GPRC5D: variants seen among roughly 807,000 people sequenced by gnomAD.
GPRC5D encodes G protein-coupled receptor family C group 5 member D.
Under a neutral mutation model 29.3 loss-of-function variants are expected in GPRC5D, and 20 were observed. That is an observed-to-expected ratio of 0.68 (90% CI 0.48 to 0.99). GPRC5D has a LOEUF of 0.99. GPRC5D is among the 50% of genes least tolerant of loss of function. The pLI is 0.00. For missense variants in GPRC5D, 384 were observed against 423.6 expected (o/e 0.91, Z 0.82); for synonymous variants, 178 against 171.3 (o/e 1.04, Z -0.30).
At chr12:12,942,149 C>T in intron 2 of GPRC5D, 112 bp downstream of exon 3, 1 of 766,110 alleles carries the variant, frequency 1.3e-6, no homozygotes, top group Non-Finnish European at 2.3e-6. Context: ...TGCTCCTGCT[C>T]TGTCTCTCCT....
chr12:12,950,095 C>T (rs1173329389), exon 1 of GPRC5D: 1 of 1,614,000 alleles, frequency 6.2e-7, no homozygotes, highest in South Asian at 1.1e-5. Flanking sequence ...AAAGAGAACC[C>T]CAAAGAGAAA....
At chr12:12,942,813 T>G (rs1475527458) in intron 1 of GPRC5D, among the ~76,000 whole-genome samples, 1 of 152,198 alleles carries the variant, frequency 6.6e-6, no homozygotes, top group Admixed American at 6.5e-5. Flanking sequence ...TATTTAAAGT[T>G]GATGTAGAAA....
rs1565476925 is a variant in GPRC5D at position 12,944,790 on chromosome 12, TTCCTTCCTTCCC to T, written c.896-2474_896-2463del. Among the ~76,000 whole-genome samples the T allele has an allele frequency of 7.5e-3, 247 of 32,782 alleles. 34 individuals are homozygous for T. Among genetic ancestry groups the T allele is most frequent in the African/African-American group, 0.012 (227 of 19,154 alleles). The allele number at this position is 32,782 out of a possible 152,430, so 21.5% of individuals were successfully genotyped here. Reference sequence around the variant, plus strand: ...CTTCCTTTCTTCCTTCCTTCCTTCCTTCCTTCCTTCCCTTCCTTCCTTCCTTCCTTCCTTCCT... The same window carrying T: ...CTTCCTTTCTTCCTTCCTTCCTTCCTTTCCTTCCTTCCTTCCTTCCTTCCT... On this transcript the variant is annotated intron_variant, in intron 1 of 2. Coordinates refer to ENST00000228887, the Ensembl canonical transcript of GPRC5D.
chr12:12,940,719 G>T (rs911285822), downstream of GPRC5D: 2 of 1,032,830 alleles, frequency 1.9e-6, no homozygotes, highest in African/African-American at 1.6e-5. Context: ...GGGCTATCAG[G>T]GCTATGCTAC....
exon 1 of GPRC5D, chr12:12,949,642 G>A (rs149059133): frequency 0.012 from 19,111 of 1,614,174 alleles, 172 homozygotes; most frequent in Middle Eastern, 0.046. Context: ...CCATGCGTTG[G>A]TGACCAGAGC....
In GPRC5D at chr12:12,949,610, C is replaced by T. The variant is rs767880543; in HGVS notation, c.775G>A (p.Val259Ile). The T allele has an allele frequency of 1.7e-5, 27 of 1,614,004 alleles. No homozygotes were observed. The highest frequency in any genetic ancestry group is 1.3e-4 in the East Asian group (6 of 44,888). The change falls in exon 1 of 3, where the codon GTC becomes ATC. Residue 259 changes from valine to isoleucine, a missense_variant. Val to Ile is a conservative substitution (Grantham distance 29). Coordinates refer to ENST00000228887, the Ensembl canonical transcript of GPRC5D. Reference sequence around the variant, plus strand: ...CTGTAGAGAATGCAGAGCTCAGGGACGATGTACAGCAGCAGGAAAACCCAT... The same window carrying T: ...CTGTAGAGAATGCAGAGCTCAGGGATGATGTACAGCAGCAGGAAAACCCAT...
At chr12:12,943,838 T>A (rs1332665496) in intron 1 of GPRC5D, among the ~76,000 whole-genome samples, 1 of 152,218 alleles carries the variant, frequency 6.6e-6, no homozygotes, top group East Asian at 1.9e-4. Flanking sequence ...CAGCTCTAGC[T>A]ATAGTTCATG....
At chr12:12,945,487 A>T (rs1451093973) in intron 1 of GPRC5D, among the ~76,000 whole-genome samples, 1 of 152,190 alleles carries the variant, frequency 6.6e-6, no homozygotes, top group Non-Finnish European at 1.5e-5. Flanking sequence ...CAATTAAAAG[A>T]CCTACTGATT....
At chr12:12,949,538 T>TTAA (rs1863431955) in exon 1 of GPRC5D, 1 of 1,614,096 alleles carries the variant, frequency 6.2e-7, no homozygotes, top group African/African-American at 1.3e-5. Flanking sequence ...TGGTAGGCTG[T>TTAA]GACGGGGCAG....
intron 1 of GPRC5D, among the ~76,000 whole-genome samples, chr12:12,946,057 T>A (rs1312165057): frequency 6.6e-6 from 1 of 152,242 alleles, no homozygotes; most frequent in Non-Finnish European, 1.5e-5. Flanking sequence ...AAGCCTAATC[T>A]TCTTTAGATA....
At chr12:12,949,989 A>G in exon 1 of GPRC5D, 1 of 1,614,174 alleles carries the variant, frequency 6.2e-7, no homozygotes. Context: ...AACCAATAGC[A>G]ATGCACAGAA....
intron 1 of GPRC5D, among the ~76,000 whole-genome samples, chr12:12,945,969 C>T (rs1157136245): frequency 6.6e-6 from 1 of 152,196 alleles, no homozygotes; most frequent in African/African-American, 2.4e-5. Flanking sequence ...TACAGTAATA[C>T]ACCTGATTGC....
intron 1 of GPRC5D, among the ~76,000 whole-genome samples, chr12:12,944,825 C>CTTT (rs1863245998): frequency 8.3e-5 from 1 of 12,102 alleles, no homozygotes; most frequent in African/African-American, 1.6e-4. Flanking sequence ...TTCCTTCCTT[C>CTTT]CTTCCTTCCT....
chr12:12,941,832 C>T (rs1011311988), intron 2 of GPRC5D, among the ~76,000 whole-genome samples: 1 of 152,196 alleles, frequency 6.6e-6, no homozygotes, highest in African/African-American at 2.4e-5. Flanking sequence ...TGGAGCTAGA[C>T]AGTGACTCAG....
intron 1 of GPRC5D, among the ~76,000 whole-genome samples, chr12:12,945,300 G>A (rs771095273): frequency 6.6e-6 from 1 of 152,008 alleles, no homozygotes; most frequent in Non-Finnish European, 1.5e-5. Flanking sequence ...CCACCACGCC[G>A]GGCCAACGCT....
At chr12:12,951,721 C>G (rs575283583), upstream of GPRC5D, among the ~76,000 whole-genome samples, 1 of 152,158 alleles carries the variant, frequency 6.6e-6, no homozygotes, top group South Asian at 2.1e-4. Flanking sequence ...TTGGATCGTT[C>G]TAGACACTGA....
chr12:12,946,835 TA>T (rs1244010690), intron 1 of GPRC5D, among the ~76,000 whole-genome samples: 1 of 152,166 alleles, frequency 6.6e-6, no homozygotes, highest in Non-Finnish European at 1.5e-5. Flanking sequence ...AACCCAGTGG[TA>T]AATTAAATAA....
At chr12:12,941,770 A>C (rs1249139099) in intron 2 of GPRC5D, among the ~76,000 whole-genome samples, 1 of 152,212 alleles carries the variant, frequency 6.6e-6, no homozygotes, top group Non-Finnish European at 1.5e-5. Flanking sequence ...CCATCTGGGC[A>C]TCCAGATGAT....
chr12:12,947,803 C>A (rs776392005), intron 1 of GPRC5D, among the ~76,000 whole-genome samples: 2 of 152,146 alleles, frequency 1.3e-5, no homozygotes, highest in African/African-American at 4.8e-5. Flanking sequence ...GTGGTCCAGC[C>A]GCCTCGGCCT....
Sources: allele counts gnomAD v4.1 joint callset (sites outside exome capture counted in the v4.1 genomes callset), GRCh38; gene constraint gnomAD v4.1.1; transcripts MANE v1.5; gene names NCBI Gene and HGNC (gene_info 2026-07-23, HGNC 2026-07-21).